Variants in GNAI1 observed in about 807,000 individuals in gnomAD.
GNAI1 encodes G protein subunit alpha i1, also known as guanine nucleotide-binding protein G(i) subunit alpha-1.
GNAI1 carries 11 observed loss-of-function variants against 38.9 expected under a neutral mutation model. That is an observed-to-expected ratio of 0.28 (90% CI 0.18 to 0.47). GNAI1 has a LOEUF of 0.47. GNAI1 is among the 20% of genes least tolerant of loss of function. The probability of loss-of-function intolerance (pLI) is 0.99; values close to 1 mark genes in which losing one functional copy is unlikely to be tolerated. For missense variants in GNAI1, 317 were observed against 436.9 expected (o/e 0.73, Z 2.45); for synonymous variants, 166 against 145.1 (o/e 1.14, Z -1.04).
chr7:80,144,046 G>A (rs2116079804), intron 1 of GNAI1, among the ~76,000 whole-genome samples: 1 of 152,082 alleles, frequency 6.6e-6, no homozygotes, highest in South Asian at 2.1e-4. Context: ...CTTCCTTGAG[G>A]GACTTGGATT....
intron 3 of GNAI1, among the ~76,000 whole-genome samples, chr7:80,192,188 C>A (rs1449694847): frequency 1.3e-5 from 2 of 152,098 alleles, no homozygotes; most frequent in Non-Finnish European, 2.9e-5. Flanking sequence ...AATCGATTCT[C>A]ACTTCTGTGT....
rs4610665 is a variant in GNAI1, at chr7:80,219,591, G to C, written c.*2098G>C. On this transcript the variant is annotated 3_prime_UTR_variant, in exon 8 of 8. Transcript: ENST00000649796. The stretch of plus-strand genomic sequence containing the variant: ...CTTCTTGATATCCCCTTCTGAGAAT[G>C]CATTGCCTGCTTTTTAACTCATTAT... Among the ~76,000 whole-genome samples the C allele has an allele frequency of 0.38, 58,192 of 151,920 alleles. 11,759 individuals are homozygous for C. Among genetic ancestry groups the C allele is most frequent in the African/African-American group, 0.5 (20,840 of 41,430 alleles).
intron 1 of GNAI1, among the ~76,000 whole-genome samples, chr7:80,166,562 A>G (rs1035513491): frequency 1.3e-5 from 2 of 152,198 alleles, no homozygotes; most frequent in East Asian, 1.9e-4. Flanking sequence ...TTCCATTTAC[A>G]TACTGATATT....
chr7:80,158,504 C>G (rs1355703659), intron 1 of GNAI1, among the ~76,000 whole-genome samples: 1 of 152,096 alleles, frequency 6.6e-6, no homozygotes, highest in Non-Finnish European at 1.5e-5. Context: ...TTCTTACGAT[C>G]GTGATTTCAC....
At chr7:80,213,381 AATAG>A (rs2115714494) in intron 7 of GNAI1, among the ~76,000 whole-genome samples, 1 of 152,298 alleles carries the variant, frequency 6.6e-6, no homozygotes, top group African/African-American at 2.4e-5. Context: ...TGAGACTGTT[AATAG>A]TGCTTTAATT....
In GNAI1 at chr7:80,189,920, A is replaced by G. The variant is rs140137365; in HGVS notation, c.303+689A>G. Among the ~76,000 whole-genome samples, 39 of 151,808 alleles carry G rather than the reference A, an allele frequency of 2.6e-4. 2 individuals carry two copies. Among genetic ancestry groups the G allele is most frequent in the African/African-American group, 8.9e-4 (37 of 41,490 alleles). On this transcript the variant is annotated intron_variant, in intron 3 of 7. Coordinates refer to ENST00000649796, the MANE Select transcript of GNAI1 (RefSeq NM_002069.6). ...GTTGGATTGGAAGCAGCCCAATCCAATCCGTAAGGCACCTTTGTTTTCTTT... is the reference window on the plus strand; with the variant it reads ...GTTGGATTGGAAGCAGCCCAATCCAGTCCGTAAGGCACCTTTGTTTTCTTT...
chr7:80,157,409 C>T (rs1787837849), intron 1 of GNAI1, among the ~76,000 whole-genome samples: 1 of 152,158 alleles, frequency 6.6e-6, no homozygotes, highest in African/African-American at 2.4e-5. Context: ...TGTAAGCATC[C>T]ATGTGTAGAT....
Position 80,223,958 on chromosome 7 carries a change from A to G in GNAI1, c.*6465A>G, listed in dbSNP as rs896564883. Among the ~76,000 whole-genome samples the G allele has an allele frequency of 3.9e-5, 6 of 152,168 alleles. No individual in the cohort carries two copies. Among genetic ancestry groups the G allele is most frequent in the Non-Finnish European group, 8.8e-5 (6 of 68,028 alleles). On this transcript the variant is annotated 3_prime_UTR_variant, in exon 8 of 8. Coordinates refer to ENST00000649796, the MANE Select transcript of GNAI1 (RefSeq NM_002069.6). ...TGAAGCTGCAATGGAAAGCTTCAGT[A>G]TGAAGCTGGCATAAGGAAAGCCAGT...
At chr7:80,197,468 C>T (rs555938113) in intron 3 of GNAI1, among the ~76,000 whole-genome samples, 18 of 151,904 alleles carry the variant, frequency 1.2e-4, no homozygotes, top group Admixed American at 1.3e-4. Context: ...ATGAAGACGT[C>T]GTAATGAAAG....
intron 3 of GNAI1, among the ~76,000 whole-genome samples, chr7:80,195,460 T>C (rs959993347): frequency 6.6e-6 from 1 of 152,014 alleles, no homozygotes; most frequent in African/African-American, 2.4e-5. Context: ...GTATTTTACA[T>C]GTATGTATTC....
At chr7:80,172,364 G>A (rs1584025783) in intron 1 of GNAI1, among the ~76,000 whole-genome samples, 1 of 152,166 alleles carries the variant, frequency 6.6e-6, no homozygotes, top group Non-Finnish European at 1.5e-5. Flanking sequence ...GTTAAGTTTT[G>A]AATATGTTAA....
intron 5 of GNAI1, among the ~76,000 whole-genome samples, chr7:80,206,841 CAAGT>C (rs747014166): frequency 1.3e-4 from 20 of 151,920 alleles, no homozygotes; most frequent in African/African-American, 3.1e-4. Flanking sequence ...AAGAGACTAA[CAAGT>C]AATAATAACA....
intron 1 of GNAI1, among the ~76,000 whole-genome samples, chr7:80,157,736 C>T (rs912666482): frequency 3.3e-5 from 5 of 152,056 alleles, no homozygotes; most frequent in African/African-American, 9.7e-5. Flanking sequence ...GACAGAGTCT[C>T]ACTCTGTCAC....
intron 1 of GNAI1, among the ~76,000 whole-genome samples, chr7:80,136,253 A>T (rs1237721921): frequency 6.6e-6 from 1 of 152,076 alleles, no homozygotes; most frequent in East Asian, 1.9e-4. Flanking sequence ...TTTTGTTTGC[A>T]TGTTTTCTTC....
rs145021139 is a variant in GNAI1, at chr7:80,199,343, A to G, written c.422A>G (p.Asn141Ser). The G allele has an allele frequency of 1.4e-5, 23 of 1,612,336 alleles. No homozygotes were observed. The highest frequency in any genetic ancestry group is 6.7e-5 in the African/African-American group (5 of 74,898). The change falls in exon 4 of 8, where the codon AAC (asparagine) becomes AGC (serine). Residue 141 changes from asparagine to serine, a missense_variant. By Grantham distance (46) the Asn-to-Ser change is conservative. Around this residue, in one of 5 missense-constraint regions of GNAI1, gnomAD observed 158 missense variants for 234.7 expected, o/e 0.67. Coordinates refer to ENST00000649796, the MANE Select transcript of GNAI1 (RefSeq NM_002069.6). ...WKDSGVQACF[N>S]RSREYQLNDS... ...GATAGTGGTGTACAAGCCTGTTTCA[A>G]CAGATCCCGAGAGTACCAGCTTAAT... is the stretch of plus-strand genomic sequence containing the variant.
chr7:80,200,909 G>A (rs145301816), intron 4 of GNAI1, among the ~76,000 whole-genome samples: 1 of 152,160 alleles, frequency 6.6e-6, no homozygotes, highest in African/African-American at 2.4e-5. Flanking sequence ...TGGTCCTTGC[G>A]CTCCAGTTTT....
intron 1 of GNAI1, among the ~76,000 whole-genome samples, chr7:80,141,230 T>A (rs1787520218): frequency 6.6e-6 from 1 of 152,198 alleles, no homozygotes; most frequent in African/African-American, 2.4e-5. Flanking sequence ...ATGTGCATCC[T>A]GCATGCAAAA....
intron 1 of GNAI1, among the ~76,000 whole-genome samples, chr7:80,143,428 T>C (rs987918122): frequency 6.6e-6 from 1 of 152,214 alleles, no homozygotes; most frequent in Non-Finnish European, 1.5e-5. Flanking sequence ...CTGAACCTAC[T>C]ATTTAACCCT....
intron 1 of GNAI1, among the ~76,000 whole-genome samples, chr7:80,147,608 T>C (rs1787650990): frequency 6.6e-6 from 1 of 152,162 alleles, no homozygotes; most frequent in Non-Finnish European, 1.5e-5. Flanking sequence ...TTTACAGTCA[T>C]TGGACTTGAA....
Sources: gnomAD v4.1 joint callset for allele counts (sites outside exome capture counted in the v4.1 genomes callset) on GRCh38, gnomAD v4.1.1 for gene constraint, gnomAD v4.1.1 regional missense constraint, MANE v1.5 for transcripts, NCBI Gene and HGNC (gene_info 2026-07-23, HGNC 2026-07-21) for gene names.